KIF9: variants seen among roughly 807,000 people sequenced by gnomAD.
KIF9 encodes the protein kinesin-like protein KIF9.
KIF9 carries 68 observed loss-of-function variants against 94.8 expected under a neutral mutation model. That is an observed-to-expected ratio of 0.72 (90% CI 0.59 to 0.88). The LOEUF (loss-of-function observed/expected upper bound fraction) is 0.88, where lower values mean the gene tolerates loss of function less well. Among genes scored for constraint, KIF9 ranks in the 40% least tolerant of loss-of-function variants. The pLI is 0.00. For missense variants in KIF9, 882 were observed against 982.5 expected, an observed-to-expected ratio of 0.90 and a Z score of 1.37; for synonymous variants, 343 against 362.1, an observed-to-expected ratio of 0.95 and a Z score of 0.60.
Position 47,270,579 on chromosome 3 carries a change from A to G in KIF9, c.591+658T>C, listed in dbSNP as rs951409323. Reference sequence around the variant, plus strand: ...CTTATTTTTTTCCATACAAGAGCTCATAATTTAACTGAAAAAAGGGACATA... The same window carrying G: ...CTTATTTTTTTCCATACAAGAGCTCGTAATTTAACTGAAAAAAGGGACATA... On this transcript the variant is annotated intron_variant, in intron 5 of 20. Coordinates refer to ENST00000684063, the MANE Select transcript of KIF9 (RefSeq NM_182902.4). 5.3e-5 allele frequency among the ~76,000 whole-genome samples: 8 copies of G among 152,124 alleles called. No homozygotes were observed. The East Asian group carries it at 1.5e-3, about 29-fold the overall frequency.
At chr3:47,235,242 C>A (rs1698931752) in intron 20 of KIF9, among the ~76,000 whole-genome samples, 1 of 152,216 alleles carries the variant, frequency 6.6e-6, no homozygotes, top group African/African-American at 2.4e-5. Context: ...AGGTGGAAGC[C>A]TCAGGGGATC....
At chr3:47,245,399 G>A (rs745312578) in intron 14 of KIF9, 22 bp downstream of exon 14, 15 of 1,585,982 alleles carry the variant, frequency 9.5e-6, no homozygotes, top group Middle Eastern at 1.7e-4. Context: ...GAGTGCTGTC[G>A]GCAAGTAGCA....
intron 9 of KIF9, among the ~76,000 whole-genome samples, chr3:47,260,088 T>C (rs1213885974): frequency 7.8e-6 from 1 of 128,916 alleles, no homozygotes; most frequent in Admixed American, 8.6e-5. Context: ...GTATGCTTCA[T>C]CTACTGAGAT....
intron 2 of KIF9, among the ~76,000 whole-genome samples, chr3:47,276,011 A>C (rs968391281): frequency 9.2e-5 from 14 of 152,178 alleles, no homozygotes; most frequent in Non-Finnish European, 2.1e-4. Context: ...GCCACAGAGA[A>C]GGCTATGGAC....
chr3:47,282,790 A>G lies in KIF9; in HGVS notation c.-301T>C. On this transcript the variant is annotated 5_prime_UTR_variant, in exon 1 of 21. Coordinates refer to ENST00000684063, the MANE Select transcript of KIF9 (RefSeq NM_182902.4). Reference sequence around the variant, plus strand: ...GCGAGGGAACGAAGGCCGCACATGAACCAGGAAGCGGAGTGGCGGGGCTTC... The same window carrying G: ...GCGAGGGAACGAAGGCCGCACATGAGCCAGGAAGCGGAGTGGCGGGGCTTC... 1 of 1,432,694 alleles carries G rather than the reference A, an allele frequency of 7.0e-7. No individual in the cohort carries two copies. Among genetic ancestry groups the G allele is most frequent in the Non-Finnish European group, 9.1e-7 (1 of 1,097,226 alleles). 88.7% of individuals were successfully genotyped at this position (1,432,694 alleles called of 1,614,324 possible).
chr3:47,240,733 C>T lies in KIF9; in HGVS notation c.1924+68G>A, dbSNP rs534437064. The T allele has an allele frequency of 1.0e-5, 14 of 1,347,036 alleles. No homozygotes were observed. The East Asian group carries it at 3.0e-4, about 29-fold the overall frequency. The allele number at this position is 1,347,036 out of a possible 1,614,324, so 83.4% of individuals were successfully genotyped here. A position where few individuals can be genotyped will look rare whatever the true frequency, so the allele number is the denominator to read the frequency against. ...CATCTCAGACCTCTAGTGCCAAGGGCTGTTCTGCTTCAACCAGCATGACTC... is the reference window on the plus strand; with the variant it reads ...CATCTCAGACCTCTAGTGCCAAGGGTTGTTCTGCTTCAACCAGCATGACTC... On this transcript the variant is annotated intron_variant, in intron 17 of 20. Transcript: ENST00000684063.
At chr3:47,271,538 C>T (rs908245745) in intron 4 of KIF9, 77 bp from the exon 5 acceptor site, 11 of 941,268 alleles carry the variant, frequency 1.2e-5, no homozygotes, top group Admixed American at 8.8e-5. Context: ...CTTCCTAACT[C>T]AGAAGGGAAC....
intron 9 of KIF9, among the ~76,000 whole-genome samples, chr3:47,260,624 C>CCTTCCTGTAAG (rs1700907923): frequency 6.6e-6 from 1 of 152,110 alleles, no homozygotes; most frequent in Non-Finnish European, 1.5e-5. Flanking sequence ...GTAAGGTAGA[C>CCTTCCTGTAAG]GTATCATCAA....
At chr3:47,245,577 C>A (rs1699869011) in intron 13 of KIF9, 66 bp from the exon 14 acceptor site, 1 of 1,233,288 alleles carries the variant, frequency 8.1e-7, no homozygotes, top group African/African-American at 1.5e-5. Context: ...GGGCAAGAAC[C>A]AAGTACTGGG....
intron 5 of KIF9, among the ~76,000 whole-genome samples, chr3:47,270,257 T>TC (rs1469895815): frequency 6.6e-6 from 1 of 151,080 alleles, no homozygotes; most frequent in Admixed American, 6.6e-5. Flanking sequence ...CTTTTTCTTT[T>TC]CTTTTTTTTT....
At position 47,252,595 on chromosome 3, in the gene KIF9, T is replaced by TA. The variant is rs1700342998; in HGVS notation, c.1060-4510dup. On this transcript the variant is annotated intron_variant, in intron 10 of 20. Coordinates refer to ENST00000684063, the MANE Select transcript of KIF9 (RefSeq NM_182902.4). ...TTGGGTGACAAAGCAAGACCCTGTC[T>TA]AAAAAACAATAATAAAAAATAAAAA... Among the ~76,000 whole-genome samples the TA allele has an allele frequency of 2.0e-5, 3 of 151,158 alleles. No homozygotes were observed. The South Asian group carries it at 6.3e-4, about 32-fold the overall frequency.
At chr3:47,272,894 A>C (rs1428422328) in intron 4 of KIF9, among the ~76,000 whole-genome samples, 3 of 152,218 alleles carry the variant, frequency 2.0e-5, no homozygotes, top group Admixed American at 2.0e-4. Context: ...TACACTTCTT[A>C]TAGGACAGGG....
chr3:47,259,524 G>A (rs940520267), intron 9 of KIF9, among the ~76,000 whole-genome samples: 1 of 152,196 alleles, frequency 6.6e-6, no homozygotes, highest in African/African-American at 2.4e-5. Flanking sequence ...GCAGATAATG[G>A]GTAGGTAAGT....
chr3:47,236,506 G>C lies in KIF9; in HGVS notation c.2038C>G (p.Leu680Val). Reference protein sequence around the residue: ...YRSEYQDLRDLRAEIQYCQHL... With the variant: ...YRSEYQDLRDVRAEIQYCQHL... Reference sequence around the variant, plus strand: ...TGGCAATACTGGATCTCAGCCCTGAGGTCACGCAGGTCCTGGTACTCGCTG... The same window carrying C: ...TGGCAATACTGGATCTCAGCCCTGACGTCACGCAGGTCCTGGTACTCGCTG... Residue 680 changes from leucine (L) to valine (V), a missense_variant, in exon 18 of 21, where the codon CTC (leucine) becomes GTC (valine). By Grantham distance (32) the Leu-to-Val change is conservative. Transcript: ENST00000684063. The C allele has an allele frequency of 6.2e-7, 1 of 1,614,006 alleles. No homozygotes were observed. The highest frequency in any genetic ancestry group is 2.2e-5 in the East Asian group (1 of 44,890).
intron 12 of KIF9, 88 bp from the exon 13 acceptor site, chr3:47,246,340 C>T (rs1308336234): frequency 5.8e-6 from 6 of 1,038,592 alleles, no homozygotes; most frequent in Non-Finnish European, 8.5e-6. Flanking sequence ...ATCAAGACCC[C>T]TTGGCTGACC....
At chr3:47,280,369 C>G (rs775829857) in intron 1 of KIF9, among the ~76,000 whole-genome samples, 2 of 152,172 alleles carry the variant, frequency 1.3e-5, no homozygotes, top group African/African-American at 2.4e-5. Context: ...GCCCAGGCCT[C>G]TCTCCCTGAA....
chr3:47,272,050 G>A (rs534463442), intron 4 of KIF9, among the ~76,000 whole-genome samples: 3 of 152,280 alleles, frequency 2.0e-5, no homozygotes, highest in South Asian at 2.1e-4. Flanking sequence ...AACCCAGGAC[G>A]CAGAGCTTGC....
intron 14 of KIF9, 67 bp downstream of exon 14, chr3:47,245,354 G>T: frequency 8.6e-7 from 1 of 1,162,708 alleles, no homozygotes; most frequent in Non-Finnish European, 1.3e-6. Context: ...ATACTTGCTG[G>T]CTCTGCAAAG....
chr3:47,238,030 T>C (rs1453968417), intron 17 of KIF9, among the ~76,000 whole-genome samples: 1 of 152,252 alleles, frequency 6.6e-6, no homozygotes, highest in Non-Finnish European at 1.5e-5. Flanking sequence ...GATCTCTGAT[T>C]ATCTCCAGGA....
Sources: gnomAD v4.1 joint callset for allele counts (sites outside exome capture counted in the v4.1 genomes callset) on GRCh38, gnomAD v4.1.1 for gene constraint, MANE v1.5 for transcripts, NCBI Gene and HGNC (gene_info 2026-07-23, HGNC 2026-07-21) for gene names.